Variants in RUBCN observed in about 807,000 individuals in gnomAD.
RUBCN encodes rubicon autophagy regulator, also known as run domain Beclin-1-interacting and cysteine-rich domain-containing protein.
A neutral mutation model predicts 113.2 loss-of-function variants in RUBCN; 74 were observed. That is an observed-to-expected ratio of 0.65 (90% CI 0.54 to 0.79). RUBCN has a LOEUF of 0.79. Among genes scored for constraint, RUBCN ranks in the 30% least tolerant of loss-of-function variants. The probability of loss-of-function intolerance (pLI) is 0.00; values close to 1 mark genes in which losing one functional copy is unlikely to be tolerated. For synonymous variants in RUBCN, 480 were observed against 490.0 expected (o/e 0.98, Z 0.27); for missense variants, 1,109 against 1,251.7 (o/e 0.89, Z 1.72).
chr3:197,747,335 T>C (rs1728789385), intron 1 of RUBCN, among the ~76,000 whole-genome samples: 1 of 152,002 alleles, frequency 6.6e-6, no homozygotes, highest in African/African-American at 2.4e-5. Context: ...TTTTGCACTA[T>C]AGAGACTGGG....
intron 11 of RUBCN, 147 bp downstream of exon 11, chr3:197,693,566 GTT>G: frequency 1.5e-6 from 1 of 657,750 alleles, no homozygotes; most frequent in Admixed American, 2.2e-5. Context: ...CTGTGAAGGG[GTT>G]TTGTTTTTAG....
intron 2 of RUBCN, among the ~76,000 whole-genome samples, 170 bp downstream of exon 2, chr3:197,717,807 T>C (rs1413486047): frequency 6.6e-6 from 1 of 152,182 alleles, no homozygotes; most frequent in Non-Finnish European, 1.5e-5. Context: ...TTAACATCTA[T>C]GGTCCATCAG....
chr3:197,693,615 A>G (rs930877323), intron 11 of RUBCN, 100 bp downstream of exon 11: 1 of 837,792 alleles, frequency 1.2e-6, no homozygotes, highest in Non-Finnish European at 2.0e-6. Flanking sequence ...ACAACAATCC[A>G]TAATGAAGAT....
chr3:197,676,858 C>T, intron 18 of RUBCN, 27 bp downstream of exon 18: 3 of 1,614,080 alleles, frequency 1.9e-6, no homozygotes, highest in Non-Finnish European at 2.5e-6. Flanking sequence ...AAGGGCTCAG[C>T]TGCATGCTAC....
chr3:197,681,066 G>A lies in RUBCN; in HGVS notation c.2430+63C>T, dbSNP rs1721173411. Reference sequence around the variant, plus strand: ...TGGGGGGAGGGGACGGGGGAGGGACGAGGGGAGGGGATGAGGGGAGGAGAA... The same window carrying A: ...TGGGGGGAGGGGACGGGGGAGGGACAAGGGGAGGGGATGAGGGGAGGAGAA... On this transcript the variant is annotated intron_variant, in intron 16 of 19. Coordinates refer to ENST00000296343, the MANE Select transcript of RUBCN (RefSeq NM_014687.4). This position sits in a 1 kb window ranked among gnomAD's most constrained non-coding sequence, Gnocchi z 5.5. The A allele has an allele frequency of 9.7e-6, 9 of 930,424 alleles. No homozygotes were observed. The highest frequency in any genetic ancestry group is 2.7e-5 in the South Asian group (2 of 74,056). The allele number at this position is 930,424 out of a possible 1,614,324, so 57.6% of individuals were successfully genotyped here. A position where few individuals can be genotyped will look rare whatever the true frequency, so the allele number is the denominator to read the frequency against.
intron 1 of RUBCN, among the ~76,000 whole-genome samples, chr3:197,747,779 C>T (rs1171583338): frequency 6.6e-6 from 1 of 152,156 alleles, no homozygotes; most frequent in East Asian, 1.9e-4. Context: ...ATATACTTTT[C>T]ATACTCACTA....
Position 197,736,719 on chromosome 3 carries a change from TC to T in RUBCN, c.-1del. 6.5e-7 allele frequency: 1 copy of T among 1,528,338 alleles called. No individual in the cohort carries two copies. The highest frequency in any genetic ancestry group is 8.7e-7 in the Non-Finnish European group (1 of 1,144,634). 94.7% of individuals were successfully genotyped at this position (1,528,338 alleles called of 1,614,324 possible). ...TCCATTCCCGCGCCCTCCGGCCGCA[TC>T]CGGGGCGGTGAGGCCGCCTCTTCGC... On this transcript the variant is annotated 5_prime_UTR_variant, in exon 1 of 20. Coordinates refer to ENST00000296343, the MANE Select transcript of RUBCN (RefSeq NM_014687.4).
chr3:197,723,816 C>G (rs994073033), intron 1 of RUBCN, among the ~76,000 whole-genome samples: 7 of 152,140 alleles, frequency 4.6e-5, no homozygotes, highest in African/African-American at 1.7e-4. Context: ...CTTTCCCAGC[C>G]AGGCGCAGTG....
chr3:197,710,662 T>A (rs1310978825), intron 2 of RUBCN, among the ~76,000 whole-genome samples: 1 of 150,542 alleles, frequency 6.6e-6, no homozygotes, highest in African/African-American at 2.4e-5. Context: ...GCAACTCCCA[T>A]TACAAAGGAC....
At chr3:197,709,975 A>G (rs1724772040) in intron 2 of RUBCN, among the ~76,000 whole-genome samples, 2 of 151,892 alleles carry the variant, frequency 1.3e-5, no homozygotes, top group Non-Finnish European at 2.9e-5. Flanking sequence ...GTTCGAGGCC[A>G]GCCTGGCCAA....
At position 197,749,620 on chromosome 3, in the gene RUBCN, G is replaced by A. The variant is rs1376722793; in HGVS notation, c.-467C>T. 5.7e-6 allele frequency: 6 copies of A among 1,048,718 alleles called. No homozygotes were observed. The African/African-American group carries it at 6.5e-5, about 11-fold the overall frequency. 65.0% of individuals were successfully genotyped at this position (1,048,718 alleles called of 1,614,324 possible). A position where few individuals can be genotyped will look rare whatever the true frequency, so the allele number is the denominator to read the frequency against. On this transcript the variant is annotated 5_prime_UTR_variant, in exon 1 of 21. Transcript: ENST00000273582. ...CAGGAGGGACTCGAAGGACACGGAG[G>A]ATTATATCACTGAAGGCATAAGATT...
chr3:197,706,410 C>T (rs1724302247), intron 2 of RUBCN, among the ~76,000 whole-genome samples: 3 of 152,082 alleles, frequency 2.0e-5, no homozygotes, highest in African/African-American at 7.2e-5. Context: ...AGGCCAGGCA[C>T]GATGGTTCAT....
intron 1 of RUBCN, among the ~76,000 whole-genome samples, chr3:197,720,430 C>G (rs1726018767): frequency 6.6e-6 from 1 of 151,328 alleles, no homozygotes; most frequent in Non-Finnish European, 1.5e-5. Flanking sequence ...TTTTTTAAGA[C>G]AGACTCTCAC....
chr3:197,692,834 A>G (rs186098991), intron 11 of RUBCN, among the ~76,000 whole-genome samples: 1 of 152,344 alleles, frequency 6.6e-6, no homozygotes, highest in Admixed American at 6.5e-5. Context: ...GTGCAGGCGA[A>G]TGGGCTCTCT....
chr3:197,674,454 T>G lies in RUBCN; in HGVS notation c.*564A>C. On this transcript the variant is annotated 3_prime_UTR_variant, in exon 20 of 20. Transcript: ENST00000296343. ...AGGAGTCTAGGATAGTCAGGATTGT[T>G]CTGTGGCCCCCAAAATACCCAAATA... The G allele has an allele frequency of 2.4e-6, 1 of 425,304 alleles. No individual in the cohort carries two copies. Among genetic ancestry groups the G allele is most frequent in the African/African-American group, 2.1e-5 (1 of 46,974 alleles). 26.3% of individuals were successfully genotyped at this position (425,304 alleles called of 1,614,324 possible).
At chr3:197,726,634 G>C (rs1401263618) in intron 1 of RUBCN, among the ~76,000 whole-genome samples, 1 of 151,852 alleles carries the variant, frequency 6.6e-6, no homozygotes, top group Non-Finnish European at 1.5e-5. Flanking sequence ...CTGCCTCCTG[G>C]GTTCAAGCGA....
At chr3:197,696,764 A>AGCCATCCCATCTG (rs1723054616) in intron 8 of RUBCN, among the ~76,000 whole-genome samples, 190 bp downstream of exon 8, 1 of 152,196 alleles carries the variant, frequency 6.6e-6, no homozygotes, top group African/African-American at 2.4e-5. Context: ...CAAGTCAGAG[A>AGCCATCCCATCTG]GAAGCAAGAG....
intron 17 of RUBCN, 75 bp downstream of exon 17, chr3:197,677,405 A>G (rs1291430711): frequency 7.0e-6 from 9 of 1,278,064 alleles, no homozygotes; most frequent in Non-Finnish European, 8.0e-6. Context: ...TTACATAACA[A>G]GAGCCAAGCG....
At position 197,701,081 on chromosome 3, in the gene RUBCN, C is replaced by T. The variant is rs184089879; in HGVS notation, c.793G>A (p.Val265Ile). The T allele has an allele frequency of 2.8e-5, 45 of 1,602,966 alleles. No homozygotes were observed. The African/African-American group carries it at 3.7e-4, about 13-fold the overall frequency. ...ATGGTTTGATCCTCTGCTGGTGAGA[C>T]GTGCCCTCTGCTTTCTTGAGGTTTC... ...PRKPQESRGHVSPAEDQTIQA... is the reference protein window; with the variant it reads ...PRKPQESRGHISPAEDQTIQA... The change falls in exon 7 of 20, where the codon GTC becomes ATC. Residue 265 changes from valine (V) to isoleucine (I), a missense_variant. Coordinates refer to ENST00000296343, the MANE Select transcript of RUBCN (RefSeq NM_014687.4).
Sources: gnomAD v4.1 joint callset for allele counts (sites outside exome capture counted in the v4.1 genomes callset) on GRCh38, gnomAD v4.1.1 for gene constraint, Gnocchi (gnomAD v3.1) non-coding constraint, MANE v1.5 for transcripts, NCBI Gene and HGNC (gene_info 2026-07-23, HGNC 2026-07-21) for gene names.